The following PTPRG variants were observed in gnomAD, a reference collection of about 807,000 sequenced individuals.
PTPRG encodes the protein receptor-type tyrosine-protein phosphatase gamma.
A neutral mutation model predicts 165.3 loss-of-function variants in PTPRG; 102 were observed. The ratio of observed to expected loss-of-function variants is 0.62; its 90% CI spans 0.53 to 0.73. PTPRG has a LOEUF of 0.73. Among genes scored for constraint, PTPRG ranks in the 30% least tolerant of loss-of-function variants. The pLI is 0.00. For synonymous variants in PTPRG, 675 were observed against 669.5 expected (o/e 1.01, Z -0.13); for missense variants, 1,866 against 1,861.4 (o/e 1.00, Z -0.05).
In PTPRG at chr3:62,131,530, T is replaced by C. The variant is rs143944313; in HGVS notation, c.616-1072T>C. ...CTGAATTGACCTGAAAACATCAAAT[T>C]GGATTGTGCTACACAGTGAAAGGTT... is the stretch of plus-strand genomic sequence containing the variant. On this transcript the variant is annotated intron_variant, in intron 5 of 29. Coordinates refer to ENST00000474889, the MANE Select transcript of PTPRG (RefSeq NM_002841.4). Among the ~76,000 whole-genome samples the C allele has an allele frequency of 2.8e-3, 423 of 152,306 alleles. 1 individual carries two copies. The highest frequency in any genetic ancestry group is 9.7e-3 in the African/African-American group (402 of 41,574).
At chr3:61,939,833 T>G (rs1156399199) in intron 2 of PTPRG, among the ~76,000 whole-genome samples, 1 of 151,564 alleles carries the variant, frequency 6.6e-6, no homozygotes, top group African/African-American at 2.4e-5. Flanking sequence ...CCACCCATGT[T>G]TGATGGAGAA....
intron 4 of PTPRG, among the ~76,000 whole-genome samples, chr3:62,054,342 A>C (rs1284992425): frequency 6.6e-6 from 1 of 152,102 alleles, no homozygotes; most frequent in Non-Finnish European, 1.5e-5. Flanking sequence ...TCTTTCTTCT[A>C]TTTGGCCTTC....
chr3:62,276,138 T>C (rs1423719816), intron 24 of PTPRG, among the ~76,000 whole-genome samples, 172 bp downstream of exon 24: 1 of 152,120 alleles, frequency 6.6e-6, no homozygotes, highest in African/African-American at 2.4e-5. Flanking sequence ...TGTATGACTT[T>C]ATACCAGCCT....
At chr3:62,272,428 T>C (rs950560195) in intron 21 of PTPRG, among the ~76,000 whole-genome samples, 5 of 152,234 alleles carry the variant, frequency 3.3e-5, no homozygotes, top group African/African-American at 1.2e-4. Context: ...TCTGTTTCAT[T>C]TGAAAATGCA....
intron 1 of PTPRG, among the ~76,000 whole-genome samples, chr3:61,642,781 G>A (rs1314188145): frequency 2.6e-5 from 4 of 152,182 alleles, no homozygotes; most frequent in Admixed American, 6.5e-5. Flanking sequence ...CTAAGTCATA[G>A]ATGAGGGGAA....
intron 5 of PTPRG, among the ~76,000 whole-genome samples, chr3:62,089,456 G>T (rs951551589): frequency 1.3e-5 from 2 of 152,162 alleles, no homozygotes; most frequent in African/African-American, 4.8e-5. Flanking sequence ...GGTTTGTAAA[G>T]GATTAGGAAA....
intron 2 of PTPRG, among the ~76,000 whole-genome samples, chr3:61,804,718 A>T (rs1283231108): frequency 6.6e-6 from 1 of 151,974 alleles, no homozygotes; most frequent in African/African-American, 2.4e-5. Flanking sequence ...TGATGTGTCA[A>T]AGAGATAAAG....
chr3:61,677,487 C>G (rs969578269), intron 1 of PTPRG, among the ~76,000 whole-genome samples: 6 of 152,022 alleles, frequency 3.9e-5, no homozygotes, highest in Admixed American at 3.3e-4. Context: ...GTTAATTAAC[C>G]CTTTCAGTGG....
At chr3:61,830,724 G>A (rs1008003762) in intron 2 of PTPRG, among the ~76,000 whole-genome samples, 2 of 151,802 alleles carry the variant, frequency 1.3e-5, no homozygotes, top group South Asian at 2.1e-4. Context: ...ACAGGCACGC[G>A]CCACCACACC....
At chr3:61,798,981 G>A (rs2035148951) in intron 2 of PTPRG, among the ~76,000 whole-genome samples, 1 of 151,778 alleles carries the variant, frequency 6.6e-6, no homozygotes, top group African/African-American at 2.4e-5. Context: ...GGGTTTCTTG[G>A]TCTTTTTCAC....
Position 61,927,285 on chromosome 3 carries a change from T to A in PTPRG, c.191-62340T>A, listed in dbSNP as rs150931738. 9.3e-3 allele frequency among the ~76,000 whole-genome samples: 1,421 copies of A among 152,312 alleles called. 12 individuals carry two copies. The highest frequency in any genetic ancestry group is 0.02 in the Middle Eastern group (6 of 294). On this transcript the variant is annotated intron_variant, in intron 2 of 29. Transcript: ENST00000474889. ...ATCCCTGGCTAAATGGAAATGTGGTTGGTTTCATGGTATATCTTCAGGTCT... is the reference window on the plus strand; with the variant it reads ...ATCCCTGGCTAAATGGAAATGTGGTAGGTTTCATGGTATATCTTCAGGTCT...
intron 1 of PTPRG, among the ~76,000 whole-genome samples, chr3:61,635,167 G>A (rs916201356): frequency 2.6e-5 from 4 of 152,050 alleles, no homozygotes; most frequent in African/African-American, 9.6e-5. Context: ...GCATGATTTG[G>A]TTGCATGGGA....
At chr3:61,913,667 C>G (rs951604950) in intron 2 of PTPRG, among the ~76,000 whole-genome samples, 1 of 152,120 alleles carries the variant, frequency 6.6e-6, no homozygotes, top group Non-Finnish European at 1.5e-5. Flanking sequence ...TTTTTGTAAC[C>G]TTGCTTTTGT....
At chr3:61,955,346 G>A (rs1241357514) in intron 2 of PTPRG, among the ~76,000 whole-genome samples, 4 of 151,864 alleles carry the variant, frequency 2.6e-5, no homozygotes, top group Non-Finnish European at 5.9e-5. Flanking sequence ...TGCTTTTATT[G>A]TCCCACAGGA....
chr3:62,163,920 A>G (rs1177375706), intron 7 of PTPRG, among the ~76,000 whole-genome samples: 1 of 152,258 alleles, frequency 6.6e-6, no homozygotes, highest in Non-Finnish European at 1.5e-5. Context: ...AGCAGGGGTA[A>G]GGGTTTTGAA....
intron 2 of PTPRG, among the ~76,000 whole-genome samples, chr3:61,843,678 A>G (rs1421845017): frequency 2.0e-5 from 3 of 152,156 alleles, no homozygotes; most frequent in Admixed American, 2.0e-4. Context: ...TGTTTATTCT[A>G]TCGGCAGGTT....
rs114711614 is a variant in PTPRG, at chr3:62,203,791, C to T, written c.1996C>T (p.Leu666=). 8.4e-3 allele frequency: 13,625 copies of T among 1,613,456 alleles called. 112 individuals are homozygous for T. Among genetic ancestry groups the T allele is most frequent in the Middle Eastern group, 0.025 (149 of 6,062 alleles). ...CGGAAGGAGGGATGCCGGCCCAGGCCTGGACCCCGACATGGTCACCTCCAC... is the reference window on the plus strand; with the variant it reads ...CGGAAGGAGGGATGCCGGCCCAGGCTTGGACCCCGACATGGTCACCTCCAC... ...TGGRRDAGPG[L]DPDMVTSTQV... Residue 666 remains leucine, a synonymous_variant, in exon 12 of 30, where the codon CTG becomes TTG. Transcript: ENST00000474889. This position sits in a 1 kb window ranked among gnomAD's most constrained non-coding sequence, Gnocchi z 6.4.
At chr3:62,282,639 A>G in intron 27 of PTPRG, 88 bp from the exon 28 acceptor site, 1 of 1,374,544 alleles carries the variant, frequency 7.3e-7, no homozygotes, top group Non-Finnish European at 9.8e-7. Flanking sequence ...CCTATAACAC[A>G]TGGCTTTCTC....
At chr3:62,085,723 A>G (rs959199555) in intron 5 of PTPRG, among the ~76,000 whole-genome samples, 1 of 151,996 alleles carries the variant, frequency 6.6e-6, no homozygotes, top group Non-Finnish European at 1.5e-5. Flanking sequence ...TTTCTCCTTC[A>G]GATTTTCTAA....
Sources: gnomAD v4.1 joint callset for allele counts (sites outside exome capture counted in the v4.1 genomes callset) on GRCh38, gnomAD v4.1.1 for gene constraint, Gnocchi (gnomAD v3.1) non-coding constraint, MANE v1.5 for transcripts, NCBI Gene and HGNC (gene_info 2026-07-23, HGNC 2026-07-21) for gene names.